The following RTCA variants were observed in gnomAD, a reference collection of about 807,000 sequenced individuals.
The protein encoded by RTCA is RNA terminal phosphate cyclase domain 1.
RTCA carries 37 observed loss-of-function variants against 46.1 expected under a neutral mutation model. The observed-to-expected ratio is 0.80, with a 90% CI of 0.62 to 1.06. The LOEUF (loss-of-function observed/expected upper bound fraction) is 1.06, where lower values mean the gene tolerates loss of function less well. RTCA is among the 50% of genes least tolerant of loss of function. The pLI, the probability that RTCA is intolerant of heterozygous loss-of-function variation, is 0.00. For synonymous variants in RTCA, 164 were observed against 158.3 expected, an observed-to-expected ratio of 1.04 and a Z score of -0.27; for missense variants, 435 against 455.5, an observed-to-expected ratio of 0.95 and a Z score of 0.41.
chr1:100,269,088 A>T (rs573523774), intron 3 of RTCA, among the ~76,000 whole-genome samples: 4 of 151,500 alleles, frequency 2.6e-5, no homozygotes, highest in Middle Eastern at 3.5e-3. Flanking sequence ...ACATGCCGGT[A>T]GTCCCATCTA....
intron 8 of RTCA, among the ~76,000 whole-genome samples, chr1:100,278,961 C>G (rs2100802839): frequency 6.6e-6 from 1 of 152,220 alleles, no homozygotes; most frequent in East Asian, 1.9e-4. Context: ...TTTCCAGGTA[C>G]TTTTAATGTA....
chr1:100,274,297 A>G lies in RTCA; in HGVS notation c.474-527A>G, dbSNP rs376612900. ...CTCACCGTCTGCTGTAAAATAAATG[A>G]CACCAATTAATTGAATTAAAACTTT... On this transcript the variant is annotated intron_variant, in intron 5 of 10. Coordinates refer to ENST00000370128, the MANE Select transcript of RTCA (RefSeq NM_003729.4). Among the ~76,000 whole-genome samples the G allele has an allele frequency of 8.5e-5, 13 of 152,330 alleles. No individual in the cohort carries two copies. In the South Asian group the frequency reaches 2.7e-3, roughly 32 times the overall value.
chr1:100,267,883 T>C (rs1665876605), intron 2 of RTCA, among the ~76,000 whole-genome samples: 2 of 152,210 alleles, frequency 1.3e-5, no homozygotes, highest in South Asian at 2.1e-4. Context: ...AGTTTTCTTC[T>C]TTAGCACACT....
intron 10 of RTCA, among the ~76,000 whole-genome samples, chr1:100,287,794 CTTTTTTT>C (rs151172878): frequency 8.0e-6 from 1 of 125,432 alleles, no homozygotes; most frequent in Non-Finnish European, 1.7e-5. Flanking sequence ...CTACAGGATT[CTTTTTTT>C]TTTTTTTTTT....
chr1:100,285,096 G>T (rs1218045725), intron 8 of RTCA, 132 bp from the exon 9 acceptor site: 3 of 633,588 alleles, frequency 4.7e-6, no homozygotes, highest in Non-Finnish European at 8.6e-6. Context: ...TCTAAAAGGT[G>T]CATTGAGTGG....
In RTCA at chr1:100,266,259, C is replaced by T. The variant is rs1433429024; in HGVS notation, c.-117C>T. The T allele has an allele frequency of 3.3e-6, 4 of 1,207,978 alleles. No homozygotes were observed. Among genetic ancestry groups the T allele is most frequent in the Admixed American group, 6.3e-5 (2 of 31,814 alleles). The allele number at this position is 1,207,978 out of a possible 1,614,324, so 74.8% of individuals were successfully genotyped here. A position where few individuals can be genotyped will look rare whatever the true frequency, so the allele number is the denominator to read the frequency against. ...GCTTCTTCCGCTTTCTCGTCAGGCT[C>T]CTGCGCCCCAGGCATGAACCAAGGT... On this transcript the variant is annotated 5_prime_UTR_variant, in exon 1 of 11. Coordinates refer to ENST00000370128, the MANE Select transcript of RTCA (RefSeq NM_003729.4).
chr1:100,284,596 T>G (rs1330155038), intron 8 of RTCA, among the ~76,000 whole-genome samples: 2 of 152,010 alleles, frequency 1.3e-5, no homozygotes, highest in East Asian at 1.9e-4. Flanking sequence ...GTTTTGCCAT[T>G]TTGGCCAGGC....
intron 10 of RTCA, among the ~76,000 whole-genome samples, chr1:100,290,278 T>A (rs1354270029): frequency 6.6e-6 from 1 of 152,044 alleles, no homozygotes; most frequent in Non-Finnish European, 1.5e-5. Context: ...TTTTTTTTTT[T>A]AAGACGTTGA....
intron 8 of RTCA, among the ~76,000 whole-genome samples, chr1:100,278,938 C>CCACAG: frequency 6.6e-6 from 1 of 152,210 alleles, no homozygotes; most frequent in East Asian, 1.9e-4. Context: ...CCCAGGAATC[C>CCACAG]ATTTTAACAA....
chr1:100,269,755 G>A (rs917601196), intron 3 of RTCA, among the ~76,000 whole-genome samples: 1 of 152,106 alleles, frequency 6.6e-6, no homozygotes, highest in African/African-American at 2.4e-5. Flanking sequence ...TGCCATAGTG[G>A]TTTGCTGCAC....
In RTCA at chr1:100,266,787, T is replaced by C. The variant is rs915305611; in HGVS notation, c.146+163T>C. The C allele has an allele frequency of 3.1e-5, 19 of 609,148 alleles. No homozygotes were observed. In the Admixed American group the frequency reaches 5.2e-4, roughly 17 times the overall value. The allele number at this position is 609,148 out of a possible 1,614,324, so 37.7% of individuals were successfully genotyped here. A position where few individuals can be genotyped will look rare whatever the true frequency, so the allele number is the denominator to read the frequency against. ...ACTCTGCCTGGGCGGTGGCCTGGGTTGTAAAGTCTTGAAAGCCTGGAGGGG... is the reference window on the plus strand; with the variant it reads ...ACTCTGCCTGGGCGGTGGCCTGGGTCGTAAAGTCTTGAAAGCCTGGAGGGG... On this transcript the variant is annotated intron_variant, in intron 2 of 10. Coordinates refer to ENST00000370128, the MANE Select transcript of RTCA (RefSeq NM_003729.4).
At position 100,266,303 on chromosome 1, in the gene RTCA, G is replaced by C. The variant is rs558522722; in HGVS notation, c.-73G>C. ...CCAAGGTTTCTGAACTACTGGGCGGGAGCCAACGTCTCTTCTTTCTCCCGC... is the reference window on the plus strand; with the variant it reads ...CCAAGGTTTCTGAACTACTGGGCGGCAGCCAACGTCTCTTCTTTCTCCCGC... On this transcript the variant is annotated 5_prime_UTR_variant, in exon 1 of 11. Transcript: ENST00000370128. The C allele has an allele frequency of 1.3e-4, 197 of 1,575,534 alleles. No individual in the cohort carries two copies. In the African/African-American group the frequency reaches 2.5e-3, roughly 20 times the overall value.
In RTCA at chr1:100,279,794, T is replaced by A. The variant is rs1199225416; in HGVS notation, c.799+2478T>A. Among the ~76,000 whole-genome samples, 6 of 152,144 alleles carry A rather than the reference T, an allele frequency of 3.9e-5. No individual in the cohort carries two copies. The East Asian group carries it at 9.7e-4, about 24-fold the overall frequency. On this transcript the variant is annotated intron_variant, in intron 8 of 10. Coordinates refer to ENST00000370128, the MANE Select transcript of RTCA (RefSeq NM_003729.4). Reference sequence around the variant, plus strand: ...GACCCTGTCACCAAAAAAATAGTGTTCTGTGTTTGAGCAAGCAACTGCAAG... The same window carrying A: ...GACCCTGTCACCAAAAAAATAGTGTACTGTGTTTGAGCAAGCAACTGCAAG...
In RTCA at chr1:100,292,715, A is replaced by G. The variant is rs1453352693; in HGVS notation, c.*1211A>G. 1 of 152,202 alleles carries G rather than the reference A, an allele frequency of 6.6e-6. No homozygotes were observed. The highest frequency in any genetic ancestry group is 1.5e-5 in the Non-Finnish European group (1 of 68,038). 9.4% of individuals were successfully genotyped at this position (152,202 alleles called of 1,614,324 possible). On this transcript the variant is annotated 3_prime_UTR_variant, in exon 11 of 11. Transcript: ENST00000370128. Reference sequence around the variant, plus strand: ...AGGTTTCGCAGATTCATCCCCAGATATGTTTTTGTTTGGCTTGTGTTATTA... The same window carrying G: ...AGGTTTCGCAGATTCATCCCCAGATGTGTTTTTGTTTGGCTTGTGTTATTA...
chr1:100,278,214 A>G (rs933684162), intron 8 of RTCA, among the ~76,000 whole-genome samples: 5 of 152,228 alleles, frequency 3.3e-5, no homozygotes, highest in African/African-American at 9.6e-5. Flanking sequence ...TCCTGCACCC[A>G]TAACAGCTTT....
chr1:100,281,954 A>T (rs945250916), intron 8 of RTCA, among the ~76,000 whole-genome samples: 8 of 151,930 alleles, frequency 5.3e-5, no homozygotes, highest in Non-Finnish European at 1.2e-4. Flanking sequence ...GACCTCAAGT[A>T]ATCTGCCTCC....
At chr1:100,284,350 C>CTT (rs200715357) in intron 8 of RTCA, among the ~76,000 whole-genome samples, 1 of 151,104 alleles carries the variant, frequency 6.6e-6, no homozygotes, top group South Asian at 2.1e-4. Context: ...GTTATATGCT[C>CTT]TTTTTTTACA....
intron 2 of RTCA, chr1:100,267,359 CAT>C: frequency 1.1e-6 from 1 of 920,326 alleles, no homozygotes; most frequent in Non-Finnish European, 1.5e-6. Context: ...TTGCCTTTGT[CAT>C]AGTTTGCAGC....
intron 4 of RTCA, among the ~76,000 whole-genome samples, chr1:100,272,652 C>A (rs1666158471): frequency 6.6e-6 from 1 of 152,136 alleles, no homozygotes; most frequent in Non-Finnish European, 1.5e-5. Context: ...TAAACACCAT[C>A]TTTCTCTGAA....
Sources: gnomAD v4.1 joint callset for allele counts (sites outside exome capture counted in the v4.1 genomes callset) on GRCh38, gnomAD v4.1.1 for gene constraint, MANE v1.5 for transcripts, NCBI Gene and HGNC (gene_info 2026-07-23, HGNC 2026-07-21) for gene names.